Variants in C12orf75 observed in about 807,000 individuals in gnomAD.
C12orf75 encodes the protein chromosome 12 open reading frame 75, also known as overexpressed in colon carcinoma 1 protein.
Under a neutral mutation model 11.4 loss-of-function variants are expected in C12orf75, and 4 were observed. The ratio of observed to expected loss-of-function variants is 0.35; its 90% CI spans 0.17 to 0.80. The LOEUF is 0.80. Ranked by LOEUF, C12orf75 falls within the 30% of genes least tolerant of loss-of-function variation. The probability of loss-of-function intolerance (pLI) is 0.52; values close to 1 mark genes in which losing one functional copy is unlikely to be tolerated. For synonymous variants in C12orf75, 30 were observed against 30.0 expected (o/e 1.00, Z 0.00); for missense variants, 89 against 80.4 (o/e 1.11, Z -0.41).
chr12:105,330,818 C>T lies in C12orf75; in HGVS notation c.-74C>T. 2 of 1,223,482 alleles carry T rather than the reference C, an allele frequency of 1.6e-6. No homozygotes were observed. Among genetic ancestry groups the T allele is most frequent in the Non-Finnish European group, 2.0e-6 (2 of 982,188 alleles). 75.8% of individuals were successfully genotyped at this position (1,223,482 alleles called of 1,614,324 possible). A position where few individuals can be genotyped will look rare whatever the true frequency, so the allele number is the denominator to read the frequency against. On this transcript the variant is annotated 5_prime_UTR_variant, in exon 1 of 6. Transcript: ENST00000443585. ...CAGCCTCCCGCTCGGGGTGCGCCGC[C>T]CTTCGTCTGGGTCTCCGCCCCCAGG...
chr12:105,369,056 CAG>C (rs1229547158), intron 5 of C12orf75, among the ~76,000 whole-genome samples: 2 of 152,142 alleles, frequency 1.3e-5, no homozygotes, highest in Non-Finnish European at 2.9e-5. Context: ...CTCCTGGAAA[CAG>C]AATGTATTTC....
intron 2 of C12orf75, among the ~76,000 whole-genome samples, chr12:105,353,252 T>C (rs1256718033): frequency 6.6e-6 from 1 of 152,222 alleles, no homozygotes; most frequent in Non-Finnish European, 1.5e-5. Flanking sequence ...TCTTCATTCT[T>C]AGGCAGCTTT....
At chr12:105,354,585 ATTAG>A (rs1477947533) in intron 2 of C12orf75, among the ~76,000 whole-genome samples, 1 of 152,194 alleles carries the variant, frequency 6.6e-6, no homozygotes, top group Non-Finnish European at 1.5e-5. Flanking sequence ...AGCTAGAATT[ATTAG>A]TTAGTTTAAA....
chr12:105,368,279 C>G lies in C12orf75; in HGVS notation c.*33+770C>G, dbSNP rs190528214. ...ACAACACATTCCATGCTGGGCTCTC[C>G]ACTGTATTTCACTCCTGGTGAATGA... On this transcript the variant is annotated intron_variant, in intron 5 of 5. Coordinates refer to ENST00000443585, the MANE Select transcript of C12orf75 (RefSeq NM_001145199.2). Among the ~76,000 whole-genome samples, 115 of 152,266 alleles carry G rather than the reference C, an allele frequency of 7.6e-4. 1 individual carries two copies. Among genetic ancestry groups the G allele is most frequent in the African/African-American group, 2.2e-3 (92 of 41,554 alleles).
intron 1 of C12orf75, among the ~76,000 whole-genome samples, chr12:105,345,693 G>C (rs1194914068): frequency 4.0e-5 from 4 of 99,914 alleles, no homozygotes; most frequent in Admixed American, 1.5e-4. Context: ...ACAGAGTCTT[G>C]CTCTGTTGCC....
intron 2 of C12orf75, among the ~76,000 whole-genome samples, chr12:105,361,148 C>T (rs780017143): frequency 3.3e-5 from 5 of 152,156 alleles, no homozygotes; most frequent in Non-Finnish European, 7.3e-5. Flanking sequence ...CTCCCACCGC[C>T]ACCTCCTGTA....
Position 105,362,021 on chromosome 12 carries a change from C to T in C12orf75, c.72-3786C>T, listed in dbSNP as rs541095475. Among the ~76,000 whole-genome samples the T allele has an allele frequency of 5.3e-5, 8 of 152,332 alleles. No individual in the cohort carries two copies. The South Asian group carries it at 1.5e-3, about 28-fold the overall frequency. On this transcript the variant is annotated intron_variant, in intron 2 of 5. Transcript: ENST00000443585. ...CTGGCAGCAGTTAGAGGTTGTTTCT[C>T]ATGCTGATGAAACAGACTAGGACTC...
chr12:105,359,026 A>G (rs372870330), intron 2 of C12orf75, among the ~76,000 whole-genome samples: 2 of 152,178 alleles, frequency 1.3e-5, no homozygotes, highest in East Asian at 3.9e-4. Flanking sequence ...CTCCCCTAGC[A>G]AGAGCAGGAT....
At chr12:105,358,710 C>T (rs568216465) in intron 2 of C12orf75, among the ~76,000 whole-genome samples, 6 of 152,180 alleles carry the variant, frequency 3.9e-5, no homozygotes, top group South Asian at 4.2e-4. Context: ...AGCAATTTAC[C>T]GATAGGTTTT....
At chr12:105,331,014 G>T (rs1892415341) in intron 1 of C12orf75, 77 bp downstream of exon 1, 3 of 925,884 alleles carry the variant, frequency 3.2e-6, no homozygotes, top group South Asian at 1.1e-4. Flanking sequence ...GGGATCTTGG[G>T]TGGGGGGCGC....
chr12:105,364,493 C>T (rs1034732199), intron 2 of C12orf75, among the ~76,000 whole-genome samples: 2 of 152,070 alleles, frequency 1.3e-5, no homozygotes, highest in Non-Finnish European at 2.9e-5. Context: ...TCTACACTTT[C>T]CTTCTTTATA....
chr12:105,370,424 T>G (rs774210971), intron 5 of C12orf75, among the ~76,000 whole-genome samples: 6 of 152,238 alleles, frequency 3.9e-5, no homozygotes, highest in Non-Finnish European at 8.8e-5. Context: ...GTAAGTCTCT[T>G]TTCCTACCCA....
intron 1 of C12orf75, among the ~76,000 whole-genome samples, chr12:105,333,588 C>T (rs1190054708): frequency 6.6e-6 from 1 of 151,992 alleles, no homozygotes; most frequent in Non-Finnish European, 1.5e-5. Flanking sequence ...GGACAGTGAG[C>T]TTAAGCTTAG....
chr12:105,366,039 G>T (rs2136152281), intron 3 of C12orf75, 197 bp downstream of exon 3: 1 of 609,592 alleles, frequency 1.6e-6, no homozygotes. Flanking sequence ...AGCAAACTTG[G>T]TTTTTGTCCT....
At chr12:105,344,912 T>A (rs1325012627) in intron 1 of C12orf75, among the ~76,000 whole-genome samples, 2 of 151,404 alleles carry the variant, frequency 1.3e-5, no homozygotes, top group African/African-American at 4.9e-5. Flanking sequence ...AATAAAAAAA[T>A]AAAAGCTAAA....
chr12:105,368,075 C>T (rs1871528067), intron 5 of C12orf75, among the ~76,000 whole-genome samples: 1 of 152,074 alleles, frequency 6.6e-6, no homozygotes, highest in South Asian at 2.1e-4. Flanking sequence ...TTACAAAACA[C>T]GTTCAGTATG....
chr12:105,355,168 C>CTT (rs200950023), intron 2 of C12orf75, among the ~76,000 whole-genome samples: 1,473 of 73,924 alleles, frequency 0.02, 123 homozygotes, highest in African/African-American at 0.05. Flanking sequence ...ATTTCTTTTT[C>CTT]TTTTTCTTTT....
chr12:105,333,483 G>A (rs939654963), intron 1 of C12orf75, among the ~76,000 whole-genome samples: 2 of 151,928 alleles, frequency 1.3e-5, no homozygotes, highest in African/African-American at 4.8e-5. Flanking sequence ...CTTCCAATAT[G>A]TCCCAGGAGT....
At chr12:105,364,819 C>T (rs1174691748) in intron 2 of C12orf75, among the ~76,000 whole-genome samples, 2 of 146,036 alleles carry the variant, frequency 1.4e-5, no homozygotes, top group Non-Finnish European at 3.0e-5. Context: ...CCAAGGAATT[C>T]TGGTAGAATA....
Sources: gnomAD v4.1 joint callset for allele counts (sites outside exome capture counted in the v4.1 genomes callset) on GRCh38, gnomAD v4.1.1 for gene constraint, MANE v1.5 for transcripts, NCBI Gene and HGNC (gene_info 2026-07-23, HGNC 2026-07-21) for gene names.